Variants in LIMS2 observed in about 807,000 individuals in gnomAD.
LIMS2 encodes LIM and senescent cell antigen-like-containing domain protein 2.
Under a neutral mutation model 45.3 loss-of-function variants are expected in LIMS2, and 30 were observed. That is an observed-to-expected ratio of 0.66 (90% CI 0.50 to 0.90). The LOEUF (loss-of-function observed/expected upper bound fraction) is 0.90. LIMS2 is among the 40% of genes least tolerant of loss of function. The probability of loss-of-function intolerance (pLI) is 0.00; values close to 1 mark genes in which losing one functional copy is unlikely to be tolerated. For missense variants in LIMS2, 485 were observed against 468.7 expected, an observed-to-expected ratio of 1.03 and a Z score of -0.32; for synonymous variants, 173 against 188.0, an observed-to-expected ratio of 0.92 and a Z score of 0.65.
intron 4 of LIMS2, among the ~76,000 whole-genome samples, chr2:127,644,785 T>A (rs1682789238): frequency 6.6e-6 from 1 of 152,178 alleles, no homozygotes; most frequent in Non-Finnish European, 1.5e-5. Flanking sequence ...GGTGGTTAGC[T>A]TCAAGCCACC....
intron 4 of LIMS2, chr2:127,649,970 G>A: frequency 6.4e-7 from 1 of 1,556,670 alleles, no homozygotes; most frequent in Non-Finnish European, 8.8e-7. Flanking sequence ...CTGATACCCA[G>A]GCACAGGCTT....
At position 127,664,007 on chromosome 2, in the gene LIMS2, T is replaced by A. The variant is rs1481569298; in HGVS notation, c.12-6445A>T. ...TCTGCTCAGAACCTGTCTGCTCATC[T>A]ATAAAGTGCAGCATGATCACCCCCG... On this transcript the variant is annotated intron_variant, in intron 1 of 9. Transcript: ENST00000355119. The surrounding 1 kb of genome is among the most constrained non-coding windows in gnomAD (Gnocchi z 5.5). Among the ~76,000 whole-genome samples the A allele has an allele frequency of 1.3e-5, 2 of 152,220 alleles. No homozygotes were observed. The highest frequency in any genetic ancestry group is 2.9e-5 in the Non-Finnish European group (2 of 68,038).
chr2:127,649,098 GAAAAGAA>G (rs1406946961), intron 4 of LIMS2, among the ~76,000 whole-genome samples: 1 of 125,390 alleles, frequency 8.0e-6, no homozygotes, highest in Non-Finnish European at 1.8e-5. Flanking sequence ...AAAGAAAAAA[GAAAAGAA>G]AAAAGGAAAA....
Position 127,650,217 on chromosome 2 carries a change from G to A in LIMS2, c.359+4207C>T. 3 of 726,766 alleles carry A rather than the reference G, an allele frequency of 4.1e-6. No individual in the cohort carries two copies. In the East Asian group the frequency reaches 8.1e-5, roughly 20 times the overall value. 45.0% of individuals were successfully genotyped at this position (726,766 alleles called of 1,614,324 possible). A position where few individuals can be genotyped will look rare whatever the true frequency, so the allele number is the denominator to read the frequency against. On this transcript the variant is annotated intron_variant, in intron 4 of 9. Coordinates refer to ENST00000355119, the MANE Select transcript of LIMS2 (RefSeq NM_001161403.3). Reference sequence around the variant, plus strand: ...ACCCCGGCCACTGCACCTGTGGGCAGGTGGGTCAGGGAGGGTCCAGGCACT... The same window carrying A: ...ACCCCGGCCACTGCACCTGTGGGCAAGTGGGTCAGGGAGGGTCCAGGCACT...
Position 127,653,022 on chromosome 2 carries a change from TC to T in LIMS2, c.359+1401del, listed in dbSNP as rs1475036040. Among the ~76,000 whole-genome samples the T allele has an allele frequency of 1.3e-5, 2 of 152,208 alleles. No individual in the cohort carries two copies. The highest frequency in any genetic ancestry group is 4.8e-5 in the African/African-American group (2 of 41,444). On this transcript the variant is annotated intron_variant, in intron 4 of 9. Coordinates refer to ENST00000355119, the MANE Select transcript of LIMS2 (RefSeq NM_001161403.3). This position sits in a 1 kb window ranked among gnomAD's most constrained non-coding sequence, Gnocchi z 5.3. ...CACACCCTGTCGGCGACGTTGCTGG[TC>T]AGCACGAGCTCCTGGTGCTGTCCCT...
upstream of LIMS2, among the ~76,000 whole-genome samples, chr2:127,678,860 G>A (rs1441007611): frequency 6.6e-6 from 1 of 152,166 alleles, no homozygotes; most frequent in Admixed American, 6.5e-5. The surrounding 1 kb of genome is among the most constrained non-coding windows in gnomAD (Gnocchi z 5.3). Flanking sequence ...CTGTGAACCT[G>A]GAGCAGGGAA....
intron 4 of LIMS2, chr2:127,651,544 C>T: frequency 6.2e-7 from 1 of 1,612,580 alleles, no homozygotes; most frequent in Non-Finnish European, 8.5e-7. Flanking sequence ...GCCTCCTGCG[C>T]CACCCAGCGC....
At position 127,643,000 on chromosome 2, in the gene LIMS2, G is replaced by A. The variant is rs1395213945; in HGVS notation, c.432C>T (p.His144=). The change falls in exon 5 of 10, where the codon CAC becomes CAT. Residue 144 remains histidine (H), a synonymous_variant. Coordinates refer to ENST00000355119, the MANE Select transcript of LIMS2 (RefSeq NM_001161403.3). The surrounding 1 kb of genome is among the most constrained non-coding windows in gnomAD (Gnocchi z 5.3). ...GLGKYICQRC[H]LVIDEQPLMF... Reference sequence around the variant, plus strand: ...TGAGGGGCTGCTCGTCGATGACCAGGTGGCACCGCTGGCAGATGTACTTGC... The same window carrying A: ...TGAGGGGCTGCTCGTCGATGACCAGATGGCACCGCTGGCAGATGTACTTGC... 6.3e-7 allele frequency: 1 copy of A among 1,579,358 alleles called. No individual in the cohort carries two copies. Among genetic ancestry groups the A allele is most frequent in the East Asian group, 2.3e-5 (1 of 43,060 alleles).
Position 127,657,538 on chromosome 2 carries a change from G to A in LIMS2, c.36C>T (p.Asn12=), listed in dbSNP as rs150714487. 1.6e-4 allele frequency: 264 copies of A among 1,608,048 alleles called. No homozygotes were observed. The African/African-American group carries it at 1.7e-3, about 10-fold the overall frequency. ...TGSNMSDALA[N]AVCQRCQARF... is the part of the protein sequence containing the mutation. ...GGGCCTGGCAGCGCTGGCACACGGC[G>A]TTGGCCAAGGCGTCCGACATATTGC... Residue 12 remains asparagine (N), a synonymous_variant, in exon 2 of 10, where the codon AAC becomes AAT. Coordinates refer to ENST00000355119, the MANE Select transcript of LIMS2 (RefSeq NM_001161403.3).
rs948494310 is a variant in LIMS2, at chr2:127,653,793, G to A, written c.359+631C>T. Among the ~76,000 whole-genome samples, 1 of 152,048 alleles carries A rather than the reference G, an allele frequency of 6.6e-6. No individual in the cohort carries two copies. Among genetic ancestry groups the A allele is most frequent in the African/African-American group, 2.4e-5 (1 of 41,400 alleles). On this transcript the variant is annotated intron_variant, in intron 4 of 9. Coordinates refer to ENST00000355119, the MANE Select transcript of LIMS2 (RefSeq NM_001161403.3). This position sits in a 1 kb window ranked among gnomAD's most constrained non-coding sequence, Gnocchi z 5.3. ...GCAGCGGGTGTGCTGGGAGAAGCCG[G>A]GGAGGAAGGCCCAGCAGTGTTTTTA... is the stretch of plus-strand genomic sequence containing the variant.
intron 1 of LIMS2, among the ~76,000 whole-genome samples, chr2:127,669,500 G>T (rs1022277962): frequency 5.3e-5 from 8 of 152,078 alleles, no homozygotes; most frequent in African/African-American, 1.9e-4. Context: ...GATCACCTGA[G>T]GTCAGGAGTT....
Position 127,664,356 on chromosome 2 carries a change from C to A in LIMS2, c.12-6794G>T. The A allele has an allele frequency of 8.2e-7, 1 of 1,219,516 alleles. No homozygotes were observed. Among genetic ancestry groups the A allele is most frequent in the South Asian group, 4.1e-5 (1 of 24,656 alleles). 75.5% of individuals were successfully genotyped at this position (1,219,516 alleles called of 1,614,324 possible). A position where few individuals can be genotyped will look rare whatever the true frequency, so the allele number is the denominator to read the frequency against. The stretch of plus-strand genomic sequence containing the variant: ...GGTGCTGGCGCCGCCGGTACAGCCC[C>A]GACGCGGCCAGCGCACCCAGCCGGG... On this transcript the variant is annotated intron_variant, in intron 1 of 9. Transcript: ENST00000355119. The surrounding 1 kb of genome is among the most constrained non-coding windows in gnomAD (Gnocchi z 5.5).
Position 127,650,845 on chromosome 2 carries a change from T to C in LIMS2, c.359+3579A>G, listed in dbSNP as rs938956167. 5.0e-6 allele frequency: 8 copies of C among 1,614,010 alleles called. No individual in the cohort carries two copies. Among genetic ancestry groups the C allele is most frequent in the Non-Finnish European group, 5.9e-6 (7 of 1,180,030 alleles). On this transcript the variant is annotated intron_variant, in intron 4 of 9. Transcript: ENST00000355119. ...CTGGAGAACATGCTGTTCGCCTCCT[T>C]CTACCTTCTGGATTTTATCCTGGCT...
At position 127,647,684 on chromosome 2, in the gene LIMS2, C is replaced by T. The variant is rs949648666; in HGVS notation, c.360-4612G>A. Among the ~76,000 whole-genome samples the T allele has an allele frequency of 1.3e-5, 2 of 152,066 alleles. No homozygotes were observed. The highest frequency in any genetic ancestry group is 2.9e-5 in the Non-Finnish European group (2 of 68,000). On this transcript the variant is annotated intron_variant, in intron 4 of 9. Coordinates refer to ENST00000355119, the MANE Select transcript of LIMS2 (RefSeq NM_001161403.3). This position sits in a 1 kb window ranked among gnomAD's most constrained non-coding sequence, Gnocchi z 4.3. ...CCTCTTCCAGTCTCCAGGGCCTCCC[C>T]GCACACACCTTCCTCCTCTCCTGCC... is the stretch of plus-strand genomic sequence containing the variant.
intron 2 of LIMS2, 128 bp from the exon 3 acceptor site, chr2:127,655,024 G>T: frequency 1.1e-6 from 1 of 883,984 alleles, no homozygotes; most frequent in Non-Finnish European, 1.9e-6. Context: ...CCGGGCTGAG[G>T]CTGGAGCAGT....
intron 9 of LIMS2, 24 bp from the exon 10 acceptor site, chr2:127,639,452 G>A (rs761586959): frequency 6.2e-7 from 1 of 1,612,302 alleles, no homozygotes; most frequent in Non-Finnish European, 8.5e-7. Context: ...TGAGCTGTCA[G>A]CAGAGCCCCA....
intron 3 of LIMS2, 63 bp from the exon 4 acceptor site, chr2:127,654,607 C>A (rs1684122083): frequency 6.2e-7 from 1 of 1,607,846 alleles, no homozygotes; most frequent in Admixed American, 1.7e-5. Flanking sequence ...CGGACCCTCC[C>A]AAGCCCTGTC....
chr2:127,643,924 G>A (rs955779493), intron 4 of LIMS2: 14 of 400,910 alleles, frequency 3.5e-5, no homozygotes, highest in African/African-American at 2.7e-4. Context: ...GCTGCCCGAC[G>A]CCCAGTGTTG....
intron 1 of LIMS2, among the ~76,000 whole-genome samples, chr2:127,673,332 C>T (rs1352691112): frequency 6.6e-6 from 1 of 152,196 alleles, no homozygotes; most frequent in Non-Finnish European, 1.5e-5. Flanking sequence ...TCCTTATTCT[C>T]TAAGACGAGT....
Sources: gnomAD v4.1 joint callset for allele counts (sites outside exome capture counted in the v4.1 genomes callset) on GRCh38, gnomAD v4.1.1 for gene constraint, Gnocchi (gnomAD v3.1) non-coding constraint, MANE v1.5 for transcripts, NCBI Gene and HGNC (gene_info 2026-07-23, HGNC 2026-07-21) for gene names.